KIF6: variants seen among roughly 807,000 people sequenced by gnomAD.
The protein encoded by KIF6 is kinesin-like protein KIF6.
In KIF6, 106 loss-of-function variants were observed where a neutral mutation model predicts 112.7. The observed-to-expected ratio is 0.94, with a 90% CI of 0.80 to 1.11. KIF6 has a LOEUF of 1.11. Ranked by LOEUF, KIF6 falls within the 50% of genes least tolerant of loss-of-function variation. The pLI is 0.00. For synonymous variants in KIF6, 339 were observed against 339.9 expected (o/e 1.00, Z 0.03); for missense variants, 929 against 964.0 (o/e 0.96, Z 0.48).
chr6:39,668,332 C>G (rs1786604973), intron 3 of KIF6, among the ~76,000 whole-genome samples: 1 of 152,124 alleles, frequency 6.6e-6, no homozygotes, highest in Non-Finnish European at 1.5e-5. Context: ...AAGAGTGATT[C>G]CTTCCGGCTT....
chr6:39,358,630 A>G (rs1365458065), intron 18 of KIF6, among the ~76,000 whole-genome samples: 1 of 152,238 alleles, frequency 6.6e-6, no homozygotes, highest in Non-Finnish European at 1.5e-5. Flanking sequence ...GGAAGGCCTC[A>G]TTCACTGATG....
chr6:39,575,293 T>C (rs1175547750), intron 10 of KIF6, among the ~76,000 whole-genome samples: 7 of 150,542 alleles, frequency 4.6e-5, no homozygotes, highest in Non-Finnish European at 8.9e-5. Context: ...TTTTTTGAGA[T>C]GGAGTCTCAC....
chr6:39,524,189 A>G (rs1453874253), intron 13 of KIF6, among the ~76,000 whole-genome samples: 1 of 152,044 alleles, frequency 6.6e-6, no homozygotes, highest in East Asian at 1.9e-4. Flanking sequence ...ACAGAGAGAG[A>G]GTGAGAAAGA....
chr6:39,617,591 C>T (rs1244310801), intron 5 of KIF6: 1 of 374,822 alleles, frequency 2.7e-6, no homozygotes, highest in Non-Finnish European at 5.6e-6. Flanking sequence ...GGGTGCTATT[C>T]ACATCATGGG....
chr6:39,561,357 ATT>A (rs34960051), intron 10 of KIF6, among the ~76,000 whole-genome samples: 2 of 147,678 alleles, frequency 1.4e-5, no homozygotes, highest in African/African-American at 4.9e-5. Flanking sequence ...AACTCAAACC[ATT>A]TTTTTTTTTT....
chr6:39,589,905 C>T (rs988756600), intron 7 of KIF6, among the ~76,000 whole-genome samples: 17 of 152,146 alleles, frequency 1.1e-4, no homozygotes, highest in Non-Finnish European at 7.3e-5. Flanking sequence ...AGCAGATTTT[C>T]CAGTTTACAA....
intron 13 of KIF6, among the ~76,000 whole-genome samples, chr6:39,454,272 C>A (rs1283839557): frequency 6.6e-6 from 1 of 151,350 alleles, no homozygotes; most frequent in Non-Finnish European, 1.5e-5. Flanking sequence ...GTACAGTCAT[C>A]TAAAGAAATG....
intron 3 of KIF6, among the ~76,000 whole-genome samples, chr6:39,670,685 C>A (rs1158212135): frequency 6.6e-6 from 1 of 152,106 alleles, no homozygotes; most frequent in African/African-American, 2.4e-5. Flanking sequence ...CAAGGGTCAA[C>A]TGTACTTTGG....
intron 16 of KIF6, among the ~76,000 whole-genome samples, chr6:39,384,026 T>C (rs1252090491): frequency 6.6e-6 from 1 of 152,248 alleles, no homozygotes; most frequent in Admixed American, 6.5e-5. Context: ...AAGCAGTTTA[T>C]CAGGTCTTGG....
At chr6:39,677,605 A>C (rs1292909699) in intron 3 of KIF6, among the ~76,000 whole-genome samples, 2 of 146,936 alleles carry the variant, frequency 1.4e-5, no homozygotes, top group Non-Finnish European at 3.0e-5. Context: ...ATATGTATAC[A>C]TGTGCCATGC....
At chr6:39,713,475 G>A (rs1256880848) in intron 3 of KIF6, among the ~76,000 whole-genome samples, 1 of 152,204 alleles carries the variant, frequency 6.6e-6, no homozygotes, top group Non-Finnish European at 1.5e-5. Flanking sequence ...GAAGCAAAGG[G>A]CAGTGGCTGG....
chr6:39,584,791 T>C (rs1781527134), intron 9 of KIF6, 107 bp downstream of exon 9: 6 of 652,308 alleles, frequency 9.2e-6, no homozygotes, highest in Non-Finnish European at 1.6e-5. Flanking sequence ...TTAATATGTT[T>C]CCACTACTTA....
chr6:39,487,675 A>G lies in KIF6; in HGVS notation c.1645+52328T>C, dbSNP rs146995510. The stretch of plus-strand genomic sequence containing the variant: ...TAGAGAAAGGAGAAACTCAGAAAGC[A>G]TCTAAATTCACCACTGAATCCAGGT... On this transcript the variant is annotated intron_variant, in intron 13 of 22. Coordinates refer to ENST00000287152, the MANE Select transcript of KIF6 (RefSeq NM_145027.6). Among the ~76,000 whole-genome samples the G allele has an allele frequency of 2.6e-5, 4 of 152,364 alleles. No homozygotes were observed. In the East Asian group the frequency reaches 7.7e-4, roughly 29 times the overall value.
At chr6:39,560,580 C>T (rs150887307) in intron 10 of KIF6, among the ~76,000 whole-genome samples, 2 of 152,330 alleles carry the variant, frequency 1.3e-5, no homozygotes, top group African/African-American at 2.4e-5. Context: ...CTGCACATCC[C>T]TGTTCTTCCC....
At chr6:39,482,902 C>T (rs1462656153) in intron 13 of KIF6, among the ~76,000 whole-genome samples, 2 of 152,200 alleles carry the variant, frequency 1.3e-5, no homozygotes, top group African/African-American at 4.8e-5. Flanking sequence ...AAACTGGGCC[C>T]TAGAGAAGGG....
intron 13 of KIF6, among the ~76,000 whole-genome samples, chr6:39,516,433 TA>T (rs1777089065): frequency 6.7e-6 from 1 of 148,156 alleles, no homozygotes; most frequent in South Asian, 2.1e-4. Flanking sequence ...GTATATATTA[TA>T]AAATATCTAA....
At chr6:39,558,454 G>A (rs1014230808) in intron 10 of KIF6, among the ~76,000 whole-genome samples, 74 of 151,414 alleles carry the variant, frequency 4.9e-4, no homozygotes, top group African/African-American at 1.7e-3. Flanking sequence ...TTTGTTTCAG[G>A]AAGTCTTAAA....
rs192065584 is a variant in KIF6 at position 39,373,194 on chromosome 6, G to T, written c.1862-10676C>A. 5.3e-5 allele frequency among the ~76,000 whole-genome samples: 8 copies of T among 152,330 alleles called. No individual in the cohort carries two copies. In the East Asian group the frequency reaches 1.3e-3, roughly 26 times the overall value. Reference sequence around the variant, plus strand: ...AAGCAGCAGCCATGATTTCTGCACAGTTGCATGATGAAAAAAATGGCTCTG... The same window carrying T: ...AAGCAGCAGCCATGATTTCTGCACATTTGCATGATGAAAAAAATGGCTCTG... On this transcript the variant is annotated intron_variant, in intron 16 of 22. Transcript: ENST00000287152.
At chr6:39,377,299 T>C (rs1301499295) in intron 16 of KIF6, among the ~76,000 whole-genome samples, 1 of 152,142 alleles carries the variant, frequency 6.6e-6, no homozygotes, top group African/African-American at 2.4e-5. Flanking sequence ...TTCTCCTACC[T>C]TGGCCTCCCA....
Sources: allele counts gnomAD v4.1 joint callset (sites outside exome capture counted in the v4.1 genomes callset), GRCh38; gene constraint gnomAD v4.1.1; transcripts MANE v1.5; gene names NCBI Gene and HGNC (gene_info 2026-07-23, HGNC 2026-07-21).